ASIC2: variants seen among roughly 807,000 people sequenced by gnomAD.
The protein encoded by ASIC2 is acid-sensing ion channel 2.
ASIC2 carries 25 observed loss-of-function variants against 57.3 expected under a neutral mutation model. The ratio of observed to expected loss-of-function variants is 0.44; its 90% CI spans 0.32 to 0.61. The LOEUF (loss-of-function observed/expected upper bound fraction) is 0.61. Among genes scored for constraint, ASIC2 ranks in the 20% least tolerant of loss-of-function variants. The pLI, the probability that ASIC2 is intolerant of heterozygous loss-of-function variation, is 0.06. For synonymous variants in ASIC2, 319 were observed against 307.5 expected (o/e 1.04, Z -0.39); for missense variants, 641 against 738.1 (o/e 0.87, Z 1.52).
chr17:33,387,721 G>T (rs1433998362), intron 1 of ASIC2, among the ~76,000 whole-genome samples: 1 of 152,228 alleles, frequency 6.6e-6, no homozygotes, highest in Non-Finnish European at 1.5e-5. Flanking sequence ...AATCTTCTAA[G>T]AGAGAGGTAC....
intron 1 of ASIC2, among the ~76,000 whole-genome samples, chr17:33,483,943 G>C (rs1302110854): frequency 1.3e-5 from 2 of 152,130 alleles, no homozygotes; most frequent in African/African-American, 4.8e-5. Flanking sequence ...CCTTGGAAGA[G>C]GGAGACAGGA....
At chr17:33,240,990 G>A (rs1908484990) in intron 1 of ASIC2, among the ~76,000 whole-genome samples, 1 of 152,136 alleles carries the variant, frequency 6.6e-6, no homozygotes, top group Non-Finnish European at 1.5e-5. Context: ...GCATTGGCAT[G>A]TACATTATCT....
At chr17:33,269,684 CTCCTGCCT>C (rs1434271575) in intron 1 of ASIC2, among the ~76,000 whole-genome samples, 15 of 27,424 alleles carry the variant, frequency 5.5e-4, no homozygotes, top group South Asian at 1.3e-3. Flanking sequence ...CCCTCCCTCC[CTCCTGCCT>C]GCCTGCCTGC....
rs1272709911 is a variant in ASIC2 at position 33,096,359 on chromosome 17, G to C, written c.860-7369C>G. ...CATGTGCCACCGGCCTTGGACCTTTGCCTGGCTGGCTTGGAGTTTTAACTA... is the reference window on the plus strand; with the variant it reads ...CATGTGCCACCGGCCTTGGACCTTTCCCTGGCTGGCTTGGAGTTTTAACTA... On this transcript the variant is annotated intron_variant, in intron 2 of 9. Coordinates refer to ENST00000225823, the MANE Select transcript of ASIC2 (RefSeq NM_183377.2). Among the ~76,000 whole-genome samples, 5 of 152,138 alleles carry C rather than the reference G, an allele frequency of 3.3e-5. No homozygotes were observed. In the East Asian group the frequency reaches 9.6e-4, roughly 29 times the overall value.
chr17:33,736,082 A>G (rs1909901316), intron 1 of ASIC2, among the ~76,000 whole-genome samples: 1 of 152,096 alleles, frequency 6.6e-6, no homozygotes, highest in African/African-American at 2.4e-5. Flanking sequence ...TGCTTGATAC[A>G]AGCAAAATAA....
chr17:33,248,208 G>A (rs891805827), intron 1 of ASIC2, among the ~76,000 whole-genome samples: 1 of 152,184 alleles, frequency 6.6e-6, no homozygotes, highest in South Asian at 2.1e-4. Flanking sequence ...AACATTCCAG[G>A]CAGAGGGACC....
intron 1 of ASIC2, among the ~76,000 whole-genome samples, chr17:33,578,999 TTAATGG>T (rs1916754008): frequency 6.6e-6 from 1 of 151,952 alleles, no homozygotes; most frequent in African/African-American, 2.4e-5. Context: ...AGAATGCAGG[TTAATGG>T]TCAGGTGCGC....
chr17:33,670,778 GTA>G (rs1907615074), intron 1 of ASIC2, among the ~76,000 whole-genome samples: 1 of 152,236 alleles, frequency 6.6e-6, no homozygotes, highest in African/African-American at 2.4e-5. Context: ...CTCCAGGATG[GTA>G]TGGCAGGACA....
intron 1 of ASIC2, among the ~76,000 whole-genome samples, chr17:33,450,109 C>G (rs1912190495): frequency 6.6e-6 from 1 of 152,126 alleles, no homozygotes; most frequent in African/African-American, 2.4e-5. Flanking sequence ...TGAATAAGCT[C>G]AAACTTAAAA....
intron 1 of ASIC2, among the ~76,000 whole-genome samples, chr17:33,232,828 A>G (rs1204664897): frequency 3.3e-5 from 5 of 152,220 alleles, no homozygotes; most frequent in South Asian, 2.1e-4. Context: ...CAGGTAATGC[A>G]GAGTCCTTGG....
intron 1 of ASIC2, among the ~76,000 whole-genome samples, chr17:34,073,709 A>C (rs1034321572): frequency 1.3e-4 from 20 of 152,194 alleles, no homozygotes; most frequent in African/African-American, 4.1e-4. Context: ...GCTTTTCTTC[A>C]TTAGCATCTT....
chr17:33,715,880 G>C (rs1909203784), intron 1 of ASIC2, among the ~76,000 whole-genome samples: 1 of 152,160 alleles, frequency 6.6e-6, no homozygotes, highest in Non-Finnish European at 1.5e-5. Flanking sequence ...TAGATACAGA[G>C]AGAAAGTGGC....
intron 1 of ASIC2, among the ~76,000 whole-genome samples, chr17:33,203,549 T>G (rs1597628271): frequency 6.6e-6 from 1 of 152,114 alleles, no homozygotes; most frequent in South Asian, 2.1e-4. Flanking sequence ...GAGGCTGGAG[T>G]ATCTACTCCT....
intron 1 of ASIC2, among the ~76,000 whole-genome samples, chr17:33,697,105 G>A (rs902788884): frequency 6.6e-6 from 1 of 152,128 alleles, no homozygotes; most frequent in African/African-American, 2.4e-5. Context: ...CTCTGGCCAT[G>A]TGATGTACCT....
chr17:33,883,069 T>C (rs1364863545), intron 1 of ASIC2, among the ~76,000 whole-genome samples: 1 of 151,446 alleles, frequency 6.6e-6, no homozygotes, highest in East Asian at 1.9e-4. Flanking sequence ...TGAGAACACA[T>C]GGACACAGGA....
intron 1 of ASIC2, among the ~76,000 whole-genome samples, chr17:33,616,354 GA>G (rs1247600833): frequency 6.6e-6 from 1 of 152,180 alleles, no homozygotes; most frequent in Non-Finnish European, 1.5e-5. Flanking sequence ...AGCTCCTGAT[GA>G]GCAGCATCTC....
chr17:33,124,869 T>C (rs1377002291), intron 1 of ASIC2, among the ~76,000 whole-genome samples: 1 of 152,210 alleles, frequency 6.6e-6, no homozygotes, highest in Non-Finnish European at 1.5e-5. Context: ...CAGTCCTATC[T>C]GGGGGTGATG....
chr17:33,992,951 A>T (rs1906046814), intron 1 of ASIC2, among the ~76,000 whole-genome samples: 1 of 152,164 alleles, frequency 6.6e-6, no homozygotes, highest in Non-Finnish European at 1.5e-5. Flanking sequence ...ATACAACTAG[A>T]GCAGTGGCTT....
intron 1 of ASIC2, among the ~76,000 whole-genome samples, chr17:33,246,271 C>T (rs1908686244): frequency 6.6e-6 from 1 of 152,020 alleles, no homozygotes. Flanking sequence ...CTCCCAGGTT[C>T]CTGGCTCAAG....
Sources: allele counts gnomAD v4.1 joint callset (sites outside exome capture counted in the v4.1 genomes callset), GRCh38; gene constraint gnomAD v4.1.1; transcripts MANE v1.5; gene names NCBI Gene and HGNC (gene_info 2026-07-23, HGNC 2026-07-21).